Variants in UGT2B11 observed in about 807,000 individuals in gnomAD.
The protein encoded by UGT2B11 is UDP glucuronosyltransferase family 2 member B11, also known as UDP-glucuronosyltransferase 2B11.
A neutral mutation model predicts 51.7 loss-of-function variants in UGT2B11; 49 were observed. That is an observed-to-expected ratio of 0.95 (90% confidence interval 0.75 to 1.20). The LOEUF is 1.20. Ranked by LOEUF, UGT2B11 falls within the 50% of genes most tolerant of loss-of-function variation. UGT2B11 has a pLI of 0.00. For synonymous variants in UGT2B11, 273 were observed against 209.0 expected, an observed-to-expected ratio of 1.31 and a Z score of -2.64; for missense variants, 810 against 622.1, an observed-to-expected ratio of 1.30 and a Z score of -3.21.
At chr4:69,211,971 A>G (rs539538217) in intron 2 of UGT2B11, among the ~76,000 whole-genome samples, 193 of 151,562 alleles carry the variant, frequency 1.3e-3, no homozygotes, top group African/African-American at 4.1e-3. Flanking sequence ...GGACTTGAGA[A>G]CTGTCCTGAC....
At chr4:69,223,370 A>C in the UGT2B11 span, among the ~76,000 whole-genome samples, 6 of 152,184 alleles carry the variant, frequency 3.9e-5, no homozygotes, top group Non-Finnish European at 8.8e-5. Context: ...CCCACAGGTC[A>C]GGCCCAGATG....
the UGT2B11 span, among the ~76,000 whole-genome samples, chr4:69,221,055 G>A: frequency 6.6e-6 from 1 of 152,306 alleles, no homozygotes; most frequent in East Asian, 1.9e-4. Context: ...AAGGGTTCGC[G>A]TGTGGCAAGA....
rs62298955 is a variant in UGT2B11, at chr4:69,212,563, G to C, written c.870+10C>G. ...AGCCAACAAAATAAAACCAACAAAA[G>C]TATGTTTACCTTAGGTAGGGGTTTG... On this transcript the variant is annotated intron_variant, in intron 2 of 5. Transcript: ENST00000446444. The C allele has an allele frequency of 0.11, 177,821 of 1,598,946 alleles. 12,367 individuals carry two copies. The highest frequency in any genetic ancestry group is 0.27 in the African/African-American group (20,132 of 73,612).
At position 69,204,572 on chromosome 4, in the gene UGT2B11, T is replaced by C; in HGVS notation, c.1168A>G (p.Met390Val). ...TCAAAAAACAATGGAATGCCCACCA[T>C]AGGGATCCCATGGTAGATTGCCTCA... is the stretch of plus-strand genomic sequence containing the variant. ...IYEAIYHGIP[M>V]VGIPLFFDQP... is the part of the protein sequence containing the mutation. The change falls in exon 5 of 6, where the codon ATG becomes GTG. Residue 390 changes from methionine (M) to valine (V), a missense_variant. Coordinates refer to ENST00000446444, the MANE Select transcript of UGT2B11 (RefSeq NM_001073.3). The C allele has an allele frequency of 1.9e-6, 3 of 1,612,222 alleles. No homozygotes were observed. Among genetic ancestry groups the C allele is most frequent in the East Asian group, 4.5e-5 (2 of 44,760 alleles).
the UGT2B11 span, among the ~76,000 whole-genome samples, chr4:69,221,903 G>A: frequency 1.3e-5 from 2 of 152,256 alleles, no homozygotes; most frequent in African/African-American, 4.8e-5. Flanking sequence ...TGGTCCAGAG[G>A]TCCTTCATCC....
rs143557269 is a variant in UGT2B11 at position 69,214,605 on chromosome 4, T to G, written c.118A>C (p.Lys40Gln). ...TGAACAAGCTCTTTCAGGATTGTCTTCATATTCATCCAATGGCTGTATTCT... is the reference window on the plus strand; with the variant it reads ...TGAACAAGCTCTTTCAGGATTGTCTGCATATTCATCCAATGGCTGTATTCT... ...AAEYSHWMNM[K>Q]TILKELVQRG... Residue 40 changes from lysine to glutamine, a missense_variant, in exon 1 of 6, where the codon AAG becomes CAG. By Grantham distance (53) the Lys-to-Gln change is moderately conservative. Transcript: ENST00000446444. 6.8e-6 allele frequency: 11 copies of G among 1,613,160 alleles called. No individual in the cohort carries two copies. In the African/African-American group the frequency reaches 1.2e-4, roughly 18 times the overall value.
rs1321827821 is a variant in UGT2B11 at position 69,208,427 on chromosome 4, A to G, written c.926T>C (p.Leu309Pro). The G allele has an allele frequency of 1.2e-6, 2 of 1,610,436 alleles. No homozygotes were observed. Among genetic ancestry groups the G allele is most frequent in the African/African-American group, 1.3e-5 (1 of 74,698 alleles). ...TGTCATGTTACTTATCACTGACCCC[A>G]GAGAAAACACCACAACACCATTTTC... ...SGENGVVVFSLGSVISNMTAE... is the reference protein window; with the variant it reads ...SGENGVVVFSPGSVISNMTAE... Residue 309 changes from leucine (L) to proline (P), a missense_variant, in exon 3 of 6, where the codon CTG becomes CCG. Physicochemically the swap from Leu to Pro is moderately conservative, Grantham distance 98 (BLOSUM62 -3). Transcript: ENST00000446444.
chr4:69,215,594 A>G (rs1348950230), upstream of UGT2B11: 5 of 152,018 alleles, frequency 3.3e-5, no homozygotes, highest in African/African-American at 4.8e-5. Flanking sequence ...ATTGATGTGC[A>G]TGAATTCTGT....
chr4:69,206,510 A>C (rs990262907), intron 3 of UGT2B11, among the ~76,000 whole-genome samples: 6 of 151,740 alleles, frequency 4.0e-5, no homozygotes, highest in African/African-American at 1.4e-4. Context: ...GATCAGGAAA[A>C]ATAATAAACG....
At chr4:69,212,260 G>C (rs1366916258) in intron 2 of UGT2B11, among the ~76,000 whole-genome samples, 1 of 151,388 alleles carries the variant, frequency 6.6e-6, no homozygotes, top group Admixed American at 6.6e-5. Context: ...CTTGTGTTTT[G>C]TGCTAATCCT....
intron 1 of UGT2B11, among the ~76,000 whole-genome samples, chr4:69,213,066 G>T (rs1398243409): frequency 6.6e-6 from 1 of 151,278 alleles, no homozygotes; most frequent in Non-Finnish European, 1.5e-5. Context: ...AACTCTTTGA[G>T]CTCCATAATC....
chr4:69,204,334 G>C, intron 5 of UGT2B11, 96 bp downstream of exon 5: 2 of 1,522,524 alleles, frequency 1.3e-6, no homozygotes, highest in South Asian at 1.3e-5. Context: ...ATTCTTTCAA[G>C]ATTACTCTCT....
chr4:69,213,227 G>A (rs1490096650), intron 1 of UGT2B11, among the ~76,000 whole-genome samples: 1 of 151,590 alleles, frequency 6.6e-6, no homozygotes, highest in Non-Finnish European at 1.5e-5. Flanking sequence ...ATTTGGATTT[G>A]AGCTAAGATC....
intron 2 of UGT2B11, 84 bp downstream of exon 2, chr4:69,212,489 T>A (rs1443965247): frequency 2.6e-5 from 40 of 1,560,788 alleles, no homozygotes; most frequent in African/African-American, 7.0e-5. Flanking sequence ...TCAGTGTAAG[T>A]CAAACATTTT....
intron 3 of UGT2B11, 146 bp downstream of exon 3, chr4:69,208,205 G>C: frequency 6.8e-7 from 1 of 1,468,372 alleles, no homozygotes; most frequent in East Asian, 2.3e-5. Context: ...ACTATTACTT[G>C]TGTTGGTGGA....
In UGT2B11 at chr4:69,214,633, G is replaced by A. The variant is rs759855618; in HGVS notation, c.90C>T (p.Ala30=). 2.3e-5 allele frequency: 37 copies of A among 1,612,934 alleles called. No individual in the cohort carries two copies. The highest frequency in any genetic ancestry group is 2.2e-5 in the East Asian group (1 of 44,830). Reference sequence around the variant, plus strand: ...TATTCATCCAATGGCTGTATTCTGCGGCCCACACCAGCACTTTTCCACAAC... The same window carrying A: ...TATTCATCCAATGGCTGTATTCTGCAGCCCACACCAGCACTTTTCCACAAC... ...SGSCGKVLVW[A]AEYSHWMNMK... The change falls in exon 1 of 6, where the codon GCC becomes GCT. Residue 30 remains alanine, a synonymous_variant. Transcript: ENST00000446444.
chr4:69,206,864 G>T lies in UGT2B11; in HGVS notation c.1003-1297C>A, dbSNP rs530279757. Among the ~76,000 whole-genome samples, 7 of 151,594 alleles carry T rather than the reference G, an allele frequency of 4.6e-5. No individual in the cohort carries two copies. The South Asian group carries it at 1.5e-3, about 31-fold the overall frequency. On this transcript the variant is annotated intron_variant, in intron 3 of 5. Coordinates refer to ENST00000446444, the MANE Select transcript of UGT2B11 (RefSeq NM_001073.3). ...TTTAAATGTATCTACTTGTCGGTAG[G>T]TTATTATATTGGAGCCTGTTGTCCT... is the stretch of plus-strand genomic sequence containing the variant.
rs941256074 is a variant in UGT2B11, at chr4:69,214,487, G to T, written c.236C>A (p.Thr79Lys). ...ASTLKFEVYP[T>K]SLTKTEFENI... is the part of the protein sequence containing the mutation. ...CTCAAATTCAGTTTTAGTTAAAGAT[G>T]TAGGATAAACTTCAAATTTAAGAGT... Residue 79 changes from threonine to lysine, a missense_variant, in exon 1 of 6, where the codon ACA (threonine) becomes AAA (lysine). Thr to Lys is a moderately conservative substitution (Grantham distance 78, BLOSUM62 -1). Coordinates refer to ENST00000446444, the MANE Select transcript of UGT2B11 (RefSeq NM_001073.3). 9 of 1,613,102 alleles carry T rather than the reference G, an allele frequency of 5.6e-6. No individual in the cohort carries two copies. The highest frequency in any genetic ancestry group is 7.6e-6 in the Non-Finnish European group (9 of 1,179,512).
At chr4:69,201,722 C>T (rs866735954) in intron 5 of UGT2B11, among the ~76,000 whole-genome samples, 12 of 151,832 alleles carry the variant, frequency 7.9e-5, no homozygotes, top group Non-Finnish European at 5.9e-5. Flanking sequence ...AATGATGGAG[C>T]CTCCAGGATT....
Sources: allele counts gnomAD v4.1 joint callset (sites outside exome capture counted in the v4.1 genomes callset), GRCh38; gene constraint gnomAD v4.1.1; transcripts MANE v1.5; gene names NCBI Gene and HGNC (gene_info 2026-07-23, HGNC 2026-07-21).